DNHD1: variants seen among roughly 807,000 people sequenced by gnomAD.
DNHD1 encodes dynein heavy chain domain 1.
DNHD1 carries 383 observed loss-of-function variants against 458.1 expected under a neutral mutation model. The ratio of observed to expected loss-of-function variants is 0.84; its 90% CI spans 0.77 to 0.91. The LOEUF is 0.91. DNHD1 is among the 40% of genes least tolerant of loss of function. The pLI is 0.00. For synonymous variants in DNHD1, 2,203 were observed against 2,376.9 expected, an observed-to-expected ratio of 0.93 and a Z score of 2.13; for missense variants, 5,336 against 5,866.1, an observed-to-expected ratio of 0.91 and a Z score of 2.95.
At position 6,529,033 on chromosome 11, in the gene DNHD1, GC is replaced by G; in HGVS notation, c.2260del (p.Gln754ArgfsTer33). On this transcript the variant is annotated frameshift_variant, in exon 12 of 43. Transcript: ENST00000254579. LOFTEE classifies it high-confidence loss of function. ...CGCTGGTGAGCCGCCTGAATGTTTGGCAGGCCCGTGTCTCCAGTATGCCTAT... is the reference window on the plus strand; with the variant it reads ...CGCTGGTGAGCCGCCTGAATGTTTGGAGGCCCGTGTCTCCAGTATGCCTAT... ...VTLVSRLNVWQARVSSMPIEL... is the reference protein window; with the variant it reads ...VTLVSRLNVWXARVSSMPIEL... 6.4e-7 allele frequency: 1 copy of G among 1,551,250 alleles called. No homozygotes were observed. The highest frequency in any genetic ancestry group is 8.7e-7 in the Non-Finnish European group (1 of 1,146,994).
intron 4 of DNHD1, chr11:6,508,622 G>A (rs1428062906): frequency 1.1e-5 from 5 of 457,202 alleles, no homozygotes; most frequent in African/African-American, 2.0e-5. Flanking sequence ...TAAGATATCT[G>A]CATTTGAAGA....
In DNHD1 at chr11:6,570,380, G is replaced by A. The variant is rs1338296366; in HGVS notation, c.13089G>A (p.Thr4363=). The A allele has an allele frequency of 9.3e-6, 15 of 1,609,358 alleles. No individual in the cohort carries two copies. Among genetic ancestry groups the A allele is most frequent in the East Asian group, 2.2e-5 (1 of 44,808 alleles). Residue 4363 remains threonine (T), a synonymous_variant, in exon 41 of 43, where the codon ACG becomes ACA. Coordinates refer to ENST00000254579, the MANE Select transcript of DNHD1 (RefSeq NM_144666.3). ...ACACACCTCAGTCTTTGCTGGCCAC[G>A]CTCATGCCCCTCCCAGGTAAGCCTC... ...QPHTPQSLLA[T]LMPLPELREL...
Position 6,563,752 on chromosome 11 carries a change from A to G in DNHD1, c.9912A>G (p.Leu3304=). The change falls in exon 31 of 43, where the codon CTA becomes CTG. Residue 3304 remains leucine, a synonymous_variant. Transcript: ENST00000254579. The part of the protein sequence containing the change: ...ITDSELIKLH[L]ILKAPGMDDA... ...ACTCAGAGCTGATAAAGTTACATCT[A>G]ATTCTGAAGGCTCCAGGTATGGACG... 1.3e-6 allele frequency: 2 copies of G among 1,551,182 alleles called. No individual in the cohort carries two copies. The highest frequency in any genetic ancestry group is 1.7e-6 in the Non-Finnish European group (2 of 1,146,804).
At chr11:6,522,824 G>A (rs1852631027) in intron 10 of DNHD1, among the ~76,000 whole-genome samples, 1 of 152,018 alleles carries the variant, frequency 6.6e-6, no homozygotes, top group Non-Finnish European at 1.5e-5. Context: ...CTTTTCAATA[G>A]AAATGTATAC....
intron 24 of DNHD1, 142 bp from the exon 25 acceptor site, chr11:6,556,541 G>A: frequency 2.7e-6 from 2 of 740,240 alleles, no homozygotes; most frequent in Non-Finnish European, 4.3e-6. Flanking sequence ...AGGGAGAATA[G>A]CTTACTCAAA....
chr11:6,538,640 CAG>C lies in DNHD1; in HGVS notation c.3158_3159del (p.Glu1053GlyfsTer39), dbSNP rs968844764. 2.0e-5 allele frequency: 31 copies of C among 1,545,328 alleles called. No homozygotes were observed. Among genetic ancestry groups the C allele is most frequent in the African/African-American group, 1.9e-4 (14 of 72,970 alleles). ...AGCCCAGCTATGGCCCAGGAGAAGA[CAG>C]AGGGCTGGCTGACAGAGGCAGCACG... is the stretch of plus-strand genomic sequence containing the variant. On this transcript the variant is annotated frameshift_variant, in exon 16 of 43. Coordinates refer to ENST00000254579, the MANE Select transcript of DNHD1 (RefSeq NM_144666.3).
chr11:6,566,918 G>C lies in DNHD1; in HGVS notation c.11409G>C (p.Leu3803=), dbSNP rs774700589. Residue 3803 remains leucine (L), a synonymous_variant, in exon 36 of 43, where the codon CTG becomes CTC. Coordinates refer to ENST00000254579, the MANE Select transcript of DNHD1 (RefSeq NM_144666.3). ...AGGAGCGGCTGCTGACGATGCTGCT[G>C]TTCCAGAATCCGAAGCGTCAGAAGC... ...AAEERLLTML[L]FQNPKRQKPA... is the part of the protein sequence containing the mutation. 3 of 1,613,238 alleles carry C rather than the reference G, an allele frequency of 1.9e-6. No individual in the cohort carries two copies. The highest frequency in any genetic ancestry group is 1.6e-4 in the Middle Eastern group (1 of 6,062).
chr11:6,530,868 G>C (rs1296870273), intron 12 of DNHD1, among the ~76,000 whole-genome samples: 1 of 152,174 alleles, frequency 6.6e-6, no homozygotes, highest in African/African-American at 2.4e-5. Flanking sequence ...GTTCTAGTTT[G>C]TTAGCTTCCT....
chr11:6,570,251 A>C lies in DNHD1; in HGVS notation c.12960A>C (p.Ser4320=), dbSNP rs552441358. ...PRAAMQELAA[S]VFYGGPLGDT... is the part of the protein sequence containing the mutation. Reference sequence around the variant, plus strand: ...AGACTCTAACCTCATCTTCAGCTTCAGTTTTCTACGGGGGTCCTCTGGGGG... The same window carrying C: ...AGACTCTAACCTCATCTTCAGCTTCCGTTTTCTACGGGGGTCCTCTGGGGG... Residue 4320 remains serine (S), a synonymous_variant, in exon 41 of 43, where the codon TCA becomes TCC. Coordinates refer to ENST00000254579, the MANE Select transcript of DNHD1 (RefSeq NM_144666.3). 1.2e-6 allele frequency: 2 copies of C among 1,613,682 alleles called. No individual in the cohort carries two copies. The highest frequency in any genetic ancestry group is 2.7e-5 in the African/African-American group (2 of 74,984).
intron 3 of DNHD1, 60 bp downstream of exon 3, chr11:6,499,021 T>A (rs1852088330): frequency 6.6e-7 from 1 of 1,513,554 alleles, no homozygotes; most frequent in Middle Eastern, 1.8e-4. Context: ...GTTTTATGGG[T>A]GCCTCTGGGG....
intron 10 of DNHD1, among the ~76,000 whole-genome samples, chr11:6,525,408 AT>A (rs1852690661): frequency 6.6e-6 from 1 of 152,200 alleles, no homozygotes; most frequent in African/African-American, 2.4e-5. Context: ...TAATCAACCA[AT>A]GTACCTTCAG....
intron 7 of DNHD1, among the ~76,000 whole-genome samples, chr11:6,513,936 C>G (rs572622863): frequency 6.6e-6 from 1 of 152,052 alleles, no homozygotes; most frequent in South Asian, 2.1e-4. Context: ...CTCTGCCTCC[C>G]GGGTTCACAC....
intron 24 of DNHD1, among the ~76,000 whole-genome samples, chr11:6,555,511 C>T (rs1344281754): frequency 6.6e-6 from 1 of 152,202 alleles, no homozygotes; most frequent in Admixed American, 6.5e-5. Flanking sequence ...TAAACCCCCA[C>T]ACTCAGCTCC....
chr11:6,509,316 G>C (rs993853841), intron 6 of DNHD1, 44 bp downstream of exon 6: 3 of 1,528,762 alleles, frequency 2.0e-6, no homozygotes, highest in East Asian at 2.2e-5. Context: ...TTAAAAATTA[G>C]TTTTACTAAA....
In DNHD1 at chr11:6,545,229, G is replaced by A; in HGVS notation, c.4290G>A (p.Glu1430=). ...EALAVLGAGG[E]EVKLQGPLPL... is the part of the protein sequence containing the mutation. ...TTGCAGTGCTAGGGGCAGGTGGGGA[G>A]GAGGTGAAGCTGCAGGGTCCCCTTC... Residue 1430 remains glutamate (E), a synonymous_variant, in exon 21 of 43, where the codon GAG becomes GAA. Coordinates refer to ENST00000254579, the MANE Select transcript of DNHD1 (RefSeq NM_144666.3). This position sits in a 1 kb window ranked among gnomAD's most constrained non-coding sequence, Gnocchi z 4.9. 1.9e-6 allele frequency: 3 copies of A among 1,551,836 alleles called. No homozygotes were observed. The highest frequency in any genetic ancestry group is 2.6e-6 in the Non-Finnish European group (3 of 1,147,016).
Position 6,533,812 on chromosome 11 carries a change from A to G in DNHD1, c.2637A>G (p.Arg879=), listed in dbSNP as rs1445345076. ...AENEALDISV[R]RQFGESPIPP... ...ATGAAGCACTGGACATCTCGGTGAGAAGGCAATTCGGGGAGTCACCCATCC... is the reference window on the plus strand; with the variant it reads ...ATGAAGCACTGGACATCTCGGTGAGGAGGCAATTCGGGGAGTCACCCATCC... Residue 879 remains arginine (R), a synonymous_variant, in exon 14 of 43, where the codon AGA becomes AGG. Coordinates refer to ENST00000254579, the MANE Select transcript of DNHD1 (RefSeq NM_144666.3). 2.6e-6 allele frequency: 4 copies of G among 1,551,070 alleles called. No individual in the cohort carries two copies. The highest frequency in any genetic ancestry group is 2.4e-5 in the East Asian group (1 of 40,876).
rs922945647 is a variant in DNHD1 at position 6,557,745 on chromosome 11, C to A, written c.8450C>A (p.Ser2817Ter). 6.4e-7 allele frequency: 1 copy of A among 1,551,598 alleles called. No individual in the cohort carries two copies. The stretch of plus-strand genomic sequence containing the variant: ...CTACTACATCCCCAGGAAAAGCCCT[C>A]AGACCTGGTCTTCAGTCAGGAGCTG... The part of the protein sequence containing the change: ...VLLLHPQEKP[S>*]DLVFSQELIL... Residue 2817 changes from serine (S) to a stop codon, truncating the protein, a stop_gained, in exon 25 of 43, where the codon TCA (serine) becomes TAA (stop). Coordinates refer to ENST00000254579, the MANE Select transcript of DNHD1 (RefSeq NM_144666.3). LOFTEE classifies it high-confidence loss of function.
At position 6,497,952 on chromosome 11, in the gene DNHD1, G is replaced by T; in HGVS notation, c.-264G>T. ...CCAGAGTCTTTGGGGAAGCAGTAGG[G>T]AGGGCCTGAGGGTCTCAGGAAAGGC... On this transcript the variant is annotated 5_prime_UTR_variant, in exon 3 of 43. An upstream open reading frame in the 5' UTR gains an earlier in-frame stop. Transcript: ENST00000254579. 1 of 520,382 alleles carries T rather than the reference G, an allele frequency of 1.9e-6. No individual in the cohort carries two copies. The highest frequency in any genetic ancestry group is 2.3e-5 in the South Asian group (1 of 43,562). 32.2% of individuals were successfully genotyped at this position (520,382 alleles called of 1,614,324 possible). A position where few individuals can be genotyped will look rare whatever the true frequency, so the allele number is the denominator to read the frequency against.
At chr11:6,566,120 G>A (rs573948737) in intron 33 of DNHD1, 121 bp from the exon 34 acceptor site, 64 of 1,483,244 alleles carry the variant, frequency 4.3e-5, no homozygotes, top group East Asian at 4.9e-5. Flanking sequence ...ATATTGAAGC[G>A]TCTTGTGGGA....
Sources: allele counts gnomAD v4.1 joint callset (sites outside exome capture counted in the v4.1 genomes callset), GRCh38; gene constraint gnomAD v4.1.1; non-coding constraint Gnocchi (gnomAD v3.1); transcripts MANE v1.5; gene names NCBI Gene and HGNC (gene_info 2026-07-23, HGNC 2026-07-21).